The following LPP variants were observed in gnomAD, a reference collection of about 807,000 sequenced individuals.
The protein encoded by LPP is lipoma-preferred partner.
In LPP, 38 loss-of-function variants were observed where a neutral mutation model predicts 60.4. That is an observed-to-expected ratio of 0.63 (90% CI 0.49 to 0.83). The LOEUF (loss-of-function observed/expected upper bound fraction) is 0.83. Ranked by LOEUF, LPP falls within the 40% of genes least tolerant of loss-of-function variation. The probability of loss-of-function intolerance (pLI) is 0.00; values close to 1 mark genes in which losing one functional copy is unlikely to be tolerated. For missense variants in LPP, 902 were observed against 783.6 expected, an observed-to-expected ratio of 1.15 and a Z score of -1.80; for synonymous variants, 328 against 290.8, an observed-to-expected ratio of 1.13 and a Z score of -1.30.
At chr3:188,806,635 A>G (rs1749228187) in intron 9 of LPP, among the ~76,000 whole-genome samples, 1 of 151,948 alleles carries the variant, frequency 6.6e-6, no homozygotes, top group East Asian at 1.9e-4. Context: ...CTTTCTTTGA[A>G]TTAAATGTTT....
At chr3:188,276,044 CTG>C (rs1256768940) in intron 2 of LPP, among the ~76,000 whole-genome samples, 1 of 152,216 alleles carries the variant, frequency 6.6e-6, no homozygotes, top group Non-Finnish European at 1.5e-5. Context: ...ATTTGAAAGA[CTG>C]AACAGAAGTG....
intron 1 of LPP, among the ~76,000 whole-genome samples, chr3:188,210,363 G>A (rs970600227): frequency 6.6e-6 from 1 of 152,182 alleles, no homozygotes; most frequent in Non-Finnish European, 1.5e-5. Flanking sequence ...ATGGTCCTGA[G>A]AGGCAGAACG....
intron 5 of LPP, among the ~76,000 whole-genome samples, chr3:188,507,581 A>G (rs1244345303): frequency 1.3e-5 from 2 of 152,038 alleles, no homozygotes; most frequent in Non-Finnish European, 2.9e-5. Flanking sequence ...AACCTCAACT[A>G]TGCATGTGAA....
At chr3:188,770,632 T>A (rs1454357167) in intron 9 of LPP, among the ~76,000 whole-genome samples, 1 of 152,176 alleles carries the variant, frequency 6.6e-6, no homozygotes, top group Non-Finnish European at 1.5e-5. Context: ...AAATGGACAG[T>A]GGCAGAGAAG....
At chr3:188,309,921 C>G (rs891298859) in intron 2 of LPP, among the ~76,000 whole-genome samples, 1 of 152,082 alleles carries the variant, frequency 6.6e-6, no homozygotes, top group Non-Finnish European at 1.5e-5. Context: ...TTGCAGACCA[C>G]AGAGAGTAAA....
chr3:188,559,787 C>T (rs765354850), intron 6 of LPP, among the ~76,000 whole-genome samples: 3 of 151,968 alleles, frequency 2.0e-5, no homozygotes, highest in South Asian at 2.1e-4. Context: ...ATTTCTCGTC[C>T]GAGAATATAA....
At chr3:188,392,920 T>C (rs1780042931) in intron 3 of LPP, among the ~76,000 whole-genome samples, 1 of 152,178 alleles carries the variant, frequency 6.6e-6, no homozygotes, top group Admixed American at 6.5e-5. Flanking sequence ...TTCTGACTTT[T>C]CCCTCAACTC....
chr3:188,298,806 C>T (rs1748772877), intron 2 of LPP, among the ~76,000 whole-genome samples: 1 of 152,272 alleles, frequency 6.6e-6, no homozygotes, highest in Admixed American at 6.5e-5. Context: ...TTTCTTTCTA[C>T]CCCAGGCCCA....
At chr3:188,687,379 A>G (rs1288492154) in intron 7 of LPP, among the ~76,000 whole-genome samples, 1 of 152,128 alleles carries the variant, frequency 6.6e-6, no homozygotes, top group East Asian at 1.9e-4. Context: ...CTCATCTTGA[A>G]TTGTGATCCC....
intron 4 of LPP, among the ~76,000 whole-genome samples, chr3:188,431,793 A>G (rs1790950856): frequency 6.6e-6 from 1 of 152,174 alleles, no homozygotes; most frequent in African/African-American, 2.4e-5. Context: ...CAAAAGTATG[A>G]TTCAACTACA....
In LPP at chr3:188,885,055, G is replaced by A. The variant is rs2216856; in HGVS notation, c.*10576G>A. On this transcript the variant is annotated 3_prime_UTR_variant, in exon 12 of 12. Coordinates refer to ENST00000617246, the MANE Select transcript of LPP (RefSeq NM_001375462.1). ...ATGTATGCTCTAGAAGTTGCTCTACGTAACAGTTCAGCAAGCAAGTGTTCC... is the reference window on the plus strand; with the variant it reads ...ATGTATGCTCTAGAAGTTGCTCTACATAACAGTTCAGCAAGCAAGTGTTCC... 0.56 allele frequency: 118,721 copies of A among 213,300 alleles called. 33,463 individuals carry two copies. Among genetic ancestry groups the A allele is most frequent in the Non-Finnish European group, 0.6 (63,167 of 105,562 alleles). 13.2% of individuals were successfully genotyped at this position (213,300 alleles called of 1,614,324 possible). A position where few individuals can be genotyped will look rare whatever the true frequency, so the allele number is the denominator to read the frequency against.
intron 7 of LPP, among the ~76,000 whole-genome samples, chr3:188,695,630 C>T (rs900630207): frequency 3.9e-5 from 6 of 152,144 alleles, no homozygotes; most frequent in Admixed American, 6.5e-5. Context: ...CAGGTGAAGA[C>T]GCTAAAGGGG....
At chr3:188,185,814 C>G (rs1256333726) in intron 1 of LPP, among the ~76,000 whole-genome samples, 1 of 152,096 alleles carries the variant, frequency 6.6e-6, no homozygotes, top group East Asian at 1.9e-4. Context: ...GTGTTTACAC[C>G]CCTCTCACCT....
chr3:188,473,771 C>G (rs1331173951), intron 4 of LPP, among the ~76,000 whole-genome samples: 1 of 152,132 alleles, frequency 6.6e-6, no homozygotes, highest in African/African-American at 2.4e-5. Flanking sequence ...TCTTTATACT[C>G]TTAAGGGATA....
At chr3:188,812,678 A>T (rs945390801) in intron 9 of LPP, among the ~76,000 whole-genome samples, 47 of 152,216 alleles carry the variant, frequency 3.1e-4, no homozygotes, top group Admixed American at 1.8e-3. Flanking sequence ...AAATAAATTC[A>T]AAGGACTAAC....
At position 188,879,248 on chromosome 3, in the gene LPP, CT is replaced by C. The variant is rs931517327; in HGVS notation, c.*4772del. On this transcript the variant is annotated 3_prime_UTR_variant, in exon 12 of 12. Transcript: ENST00000617246. ...CTTGGTAAGGATTCTTCCTCTCTTGCTTTCTTCCTCCCTTCCTTTCTTCCTC... is the reference window on the plus strand; with the variant it reads ...CTTGGTAAGGATTCTTCCTCTCTTGCTTCTTCCTCCCTTCCTTTCTTCCTC... 2.6e-5 allele frequency: 6 copies of C among 230,564 alleles called. No homozygotes were observed. The highest frequency in any genetic ancestry group is 1.3e-4 in the African/African-American group (6 of 45,210). The allele number at this position is 230,564 out of a possible 1,614,324, so 14.3% of individuals were successfully genotyped here. A position where few individuals can be genotyped will look rare whatever the true frequency, so the allele number is the denominator to read the frequency against.
At chr3:188,225,781 T>A (rs1031076782) in intron 2 of LPP, among the ~76,000 whole-genome samples, 1 of 152,232 alleles carries the variant, frequency 6.6e-6, no homozygotes, top group Non-Finnish European at 1.5e-5. Context: ...GTGGTAGCAT[T>A]GAACTTGGAG....
intron 9 of LPP, among the ~76,000 whole-genome samples, chr3:188,837,417 T>TC (rs1560275727): frequency 6.7e-6 from 1 of 149,192 alleles, no homozygotes; most frequent in Admixed American, 6.7e-5. Context: ...ATAATAATAA[T>TC]AATAATCTGT....
intron 1 of LPP, among the ~76,000 whole-genome samples, chr3:188,202,646 G>A (rs1731398006): frequency 1.3e-5 from 2 of 152,216 alleles, no homozygotes; most frequent in Non-Finnish European, 2.9e-5. Flanking sequence ...TGGCAGCCGC[G>A]TGCGTTCCCT....
Sources: allele counts gnomAD v4.1 joint callset (sites outside exome capture counted in the v4.1 genomes callset), GRCh38; gene constraint gnomAD v4.1.1; transcripts MANE v1.5; gene names NCBI Gene and HGNC (gene_info 2026-07-23, HGNC 2026-07-21).